PBX1: variants seen among roughly 807,000 people sequenced by gnomAD.
The protein encoded by PBX1 is pre-B-cell leukemia transcription factor 1.
Under a neutral mutation model 53.4 loss-of-function variants are expected in PBX1, and 6 were observed. The observed-to-expected ratio is 0.11, with a 90% CI of 0.06 to 0.22. The LOEUF (loss-of-function observed/expected upper bound fraction) is 0.22. PBX1 is among the 10% of genes least tolerant of loss of function. The pLI is 1.00. For synonymous variants in PBX1, 204 were observed against 212.3 expected (o/e 0.96, Z 0.34); for missense variants, 251 against 551.4 (o/e 0.46, Z 5.46).
In PBX1 at chr1:164,786,712, T is replaced by TGC. The variant is rs1380576992; in HGVS notation, c.266-5781_266-5780insCG. ...GTGTGTGTGTGTGTGTGTGTGTGTG[T>TGC]GTGTGTGTGCGCGCGCACACACACA... On this transcript the variant is annotated intron_variant, in intron 2 of 8. Coordinates refer to ENST00000420696, the MANE Select transcript of PBX1 (RefSeq NM_002585.4). 3.3e-3 allele frequency among the ~76,000 whole-genome samples: 380 copies of TGC among 114,826 alleles called. 2 individuals are homozygous for TGC. The highest frequency in any genetic ancestry group is 4.5e-3 in the Middle Eastern group (1 of 222). The allele number at this position is 114,826 out of a possible 152,430, so 75.3% of individuals were successfully genotyped here.
intron 2 of PBX1, among the ~76,000 whole-genome samples, chr1:164,638,599 C>T (rs1222517794): frequency 6.6e-6 from 1 of 152,306 alleles, no homozygotes; most frequent in Non-Finnish European, 1.5e-5. Flanking sequence ...CACACTCACA[C>T]CATGGGTGAA....
At chr1:164,732,610 G>A (rs990770021) in intron 2 of PBX1, among the ~76,000 whole-genome samples, 4 of 151,958 alleles carry the variant, frequency 2.6e-5, no homozygotes, top group African/African-American at 7.2e-5. Flanking sequence ...GGCAAAGACC[G>A]TAATTACTTT....
At chr1:164,707,418 T>TGTGAGAGAGAGAGAGAGAGAGA (rs58617739) in intron 2 of PBX1, among the ~76,000 whole-genome samples, 57 of 118,246 alleles carry the variant, frequency 4.8e-4, no homozygotes, top group African/African-American at 2.1e-3. Context: ...TGTGTGTGTG[T>TGTGAGAGAGAGAGAGAGAGAGA]GAGAGAGAGA....
intron 2 of PBX1, among the ~76,000 whole-genome samples, chr1:164,574,276 A>G (rs1482417764): frequency 1.3e-5 from 2 of 152,226 alleles, no homozygotes; most frequent in Admixed American, 1.3e-4. Context: ...TGGAACAAGT[A>G]CAGAGCACTC....
intron 2 of PBX1, among the ~76,000 whole-genome samples, chr1:164,749,641 C>CT (rs1557983637): frequency 6.6e-6 from 1 of 152,078 alleles, no homozygotes; most frequent in South Asian, 2.1e-4. Context: ...CACAAAAAAA[C>CT]TTTTTAGAAG....
intron 2 of PBX1, among the ~76,000 whole-genome samples, chr1:164,859,382 CTG>C (rs1460146345): frequency 6.6e-6 from 1 of 152,202 alleles, no homozygotes; most frequent in East Asian, 1.9e-4. Flanking sequence ...GAACAAGAGA[CTG>C]TGACTGCATC....
intron 3 of PBX1, among the ~76,000 whole-genome samples, chr1:164,796,790 T>C (rs1308124278): frequency 6.6e-6 from 1 of 152,190 alleles, no homozygotes; most frequent in African/African-American, 2.4e-5. Context: ...AACTATTGTT[T>C]TTTATGACAG....
At chr1:164,588,297 A>C (rs933021440) in intron 2 of PBX1, among the ~76,000 whole-genome samples, 7 of 152,232 alleles carry the variant, frequency 4.6e-5, no homozygotes, top group Non-Finnish European at 2.9e-5. Context: ...AGCACAAAGA[A>C]GACAAACTGG....
intron 2 of PBX1, among the ~76,000 whole-genome samples, chr1:164,586,354 C>T (rs187525574): frequency 5.9e-5 from 9 of 152,226 alleles, no homozygotes; most frequent in Admixed American, 2.0e-4. Context: ...GGACTGGGCA[C>T]GTGATGAATG....
At chr1:164,777,054 A>G (rs957903560) in intron 2 of PBX1, among the ~76,000 whole-genome samples, 4 of 151,642 alleles carry the variant, frequency 2.6e-5, no homozygotes, top group Admixed American at 2.6e-4. Context: ...TCTTCTCCCT[A>G]CATATGAACT....
chr1:164,757,447 T>C (rs1223531617), intron 2 of PBX1, among the ~76,000 whole-genome samples: 1 of 152,196 alleles, frequency 6.6e-6, no homozygotes, highest in African/African-American at 2.4e-5. Flanking sequence ...CTGTCTGAAG[T>C]TTGACCAGAT....
chr1:164,632,264 GT>G (rs1402793898), intron 2 of PBX1, among the ~76,000 whole-genome samples: 1 of 152,178 alleles, frequency 6.6e-6, no homozygotes, highest in Admixed American at 6.5e-5. Context: ...TGGAGTTGAA[GT>G]TACAAAGCAG....
rs1671717705 is a variant in PBX1 at position 164,849,343 on chromosome 1, C to T, written c.*2667C>T. The stretch of plus-strand genomic sequence containing the variant: ...ACTTAGTCTTCTCTATACCCAGCAC[C>T]TCCCCCGGCACCCCCGGCAAGCCCA... On this transcript the variant is annotated 3_prime_UTR_variant, in exon 9 of 9. Transcript: ENST00000420696. The T allele has an allele frequency of 6.5e-7, 1 of 1,535,534 alleles. No homozygotes were observed. Among genetic ancestry groups the T allele is most frequent in the Non-Finnish European group, 8.7e-7 (1 of 1,146,798 alleles).
chr1:164,697,233 G>A (rs1662848918), intron 2 of PBX1, among the ~76,000 whole-genome samples: 1 of 152,128 alleles, frequency 6.6e-6, no homozygotes, highest in Non-Finnish European at 1.5e-5. Flanking sequence ...AATTTGCCCT[G>A]TTACCTGACT....
downstream of PBX1, among the ~76,000 whole-genome samples, chr1:164,854,573 A>G (rs1388234044): frequency 2.6e-5 from 4 of 152,012 alleles, no homozygotes; most frequent in African/African-American, 7.2e-5. Context: ...AAAAGCTACT[A>G]TAGTGTACAA....
intron 4 of PBX1, among the ~76,000 whole-genome samples, chr1:164,802,401 A>G (rs1038416836): frequency 1.1e-4 from 16 of 151,940 alleles, no homozygotes; most frequent in Non-Finnish European, 2.1e-4. Flanking sequence ...GGCAGAATTC[A>G]TTTCCTTCTG....
At position 164,820,173 on chromosome 1, in the gene PBX1, G is replaced by C; in HGVS notation, c.1099G>C (p.Val367Leu). 2 of 1,606,016 alleles carry C rather than the reference G, an allele frequency of 1.2e-6. No individual in the cohort carries two copies. The highest frequency in any genetic ancestry group is 1.7e-6 in the Non-Finnish European group (2 of 1,172,740). The change falls in exon 7 of 9, where the codon GTG (valine) becomes CTG (leucine). Residue 367 changes from valine (V) to leucine (L), a missense_variant. Val to Leu is a conservative substitution (Grantham distance 32). Coordinates refer to ENST00000420696, the MANE Select transcript of PBX1 (RefSeq NM_002585.4). ...CCAAGGGGCCCAGGTTGGAGCCAAC[G>C]TGCAATCACAGGTAGGGACCCAGCC... ...SYQGAQVGAN[V>L]QSQVDTLRHV...
intron 2 of PBX1, chr1:164,700,409 C>T (rs1663049243): frequency 2.1e-6 from 2 of 971,114 alleles, no homozygotes; most frequent in African/African-American, 1.8e-5. Flanking sequence ...GTTATTTCTC[C>T]ATTGGAGACT....
intron 2 of PBX1, among the ~76,000 whole-genome samples, chr1:164,713,074 T>C (rs770960819): frequency 2.5e-4 from 38 of 152,110 alleles, no homozygotes; most frequent in Non-Finnish European, 4.3e-4. Context: ...CTCCTTACAT[T>C]GATTGAGGCT....
Sources: allele counts gnomAD v4.1 joint callset (sites outside exome capture counted in the v4.1 genomes callset), GRCh38; gene constraint gnomAD v4.1.1; transcripts MANE v1.5; gene names NCBI Gene and HGNC (gene_info 2026-07-23, HGNC 2026-07-21).